The following TENM3 variants were observed in gnomAD, a reference collection of about 807,000 sequenced individuals.
TENM3 encodes the protein teneurin-3.
A neutral mutation model predicts 255.1 loss-of-function variants in TENM3; 63 were observed. The observed-to-expected ratio is 0.25, with a 90% CI of 0.20 to 0.30. The LOEUF is 0.30. Among genes scored for constraint, TENM3 ranks in the 10% least tolerant of loss-of-function variants. TENM3 has a pLI of 1.00. For missense variants in TENM3, 2,929 were observed against 3,461.1 expected (o/e 0.85, Z 3.86); for synonymous variants, 1,306 against 1,322.3 (o/e 0.99, Z 0.27).
chr4:181,691,126 A>G, the TENM3 span, among the ~76,000 whole-genome samples: 1 of 152,198 alleles, frequency 6.6e-6, no homozygotes, highest in African/African-American at 2.4e-5. Flanking sequence ...AAATTATTTT[A>G]GTTTAAATAT....
At chr4:181,868,200 C>T in the TENM3 span, among the ~76,000 whole-genome samples, 75 of 152,166 alleles carry the variant, frequency 4.9e-4, no homozygotes, top group African/African-American at 1.2e-3. Context: ...TAACAAACAG[C>T]GTATTCTCCA....
intron 26 of TENM3, among the ~76,000 whole-genome samples, chr4:182,796,122 T>C (rs2152835072): frequency 6.6e-6 from 1 of 152,348 alleles, no homozygotes; most frequent in Admixed American, 6.5e-5. Flanking sequence ...CTTGCAGCAT[T>C]CATCTTTGAT....
intron 4 of TENM3, among the ~76,000 whole-genome samples, chr4:182,622,994 T>C (rs1249678958): frequency 2.0e-5 from 3 of 151,620 alleles, no homozygotes; most frequent in Non-Finnish European, 4.4e-5. Flanking sequence ...TTATTTTTAT[T>C]TTTTTAGACA....
intron 24 of TENM3, among the ~76,000 whole-genome samples, chr4:182,787,696 CT>C (rs1172323723): frequency 7.2e-6 from 1 of 138,374 alleles, no homozygotes; most frequent in Admixed American, 8.2e-5. Flanking sequence ...GATCGCACCA[CT>C]GTACTCCAGC....
In TENM3 at chr4:182,259,622, AT is replaced by A. The variant is rs940509079; in HGVS notation, c.-76+16154del. ...CACCACACTCAGCCTATTTTTTAACATTTTTTTTATTGATATGTAACAGATG... is the reference window on the plus strand; with the variant it reads ...CACCACACTCAGCCTATTTTTTAACATTTTTTTATTGATATGTAACAGATG... On this transcript the variant is annotated intron_variant, in intron 1 of 27. Coordinates refer to ENST00000511685, the MANE Select transcript of TENM3 (RefSeq NM_001080477.4). Among the ~76,000 whole-genome samples the A allele has an allele frequency of 2.4e-4, 36 of 151,888 alleles. 1 individual carries two copies. The highest frequency in any genetic ancestry group is 8.7e-4 in the African/African-American group (36 of 41,434).
chr4:181,934,415 G>A, the TENM3 span, among the ~76,000 whole-genome samples: 1 of 152,146 alleles, frequency 6.6e-6, no homozygotes, highest in African/African-American at 2.4e-5. Context: ...AGTTAAAAAT[G>A]GGTTCTTTAA....
the TENM3 span, among the ~76,000 whole-genome samples, chr4:181,710,136 T>C: frequency 6.6e-6 from 1 of 151,998 alleles, no homozygotes. Flanking sequence ...AATGCCATGG[T>C]GCCAAATAAG....
At chr4:182,580,925 A>G (rs2152357524) in intron 3 of TENM3, among the ~76,000 whole-genome samples, 1 of 152,328 alleles carries the variant, frequency 6.6e-6, no homozygotes, top group East Asian at 1.9e-4. Context: ...AAGAATACTA[A>G]TTATCTTGCT....
the TENM3 span, among the ~76,000 whole-genome samples, chr4:181,899,858 A>G: frequency 2.6e-5 from 4 of 152,028 alleles, no homozygotes; most frequent in Admixed American, 1.3e-4. Flanking sequence ...TGTTTTTTGT[A>G]TAGGATCCTA....
chr4:182,714,105 G>A lies in TENM3; in HGVS notation c.2240G>A (p.Cys747Tyr). Residue 747 changes from cysteine to tyrosine, a missense_variant, in exon 13 of 28, where the codon TGC (cysteine) becomes TAC (tyrosine). Physicochemically the swap from Cys to Tyr is radical, Grantham distance 194 (BLOSUM62 -2). Coordinates refer to ENST00000511685, the MANE Select transcript of TENM3 (RefSeq NM_001080477.4). ...TCGACAGAGGGTTGTCCTGGTCTGTGCAACAGCAATGGAAGATGTACCCTG... is the reference window on the plus strand; with the variant it reads ...TCGACAGAGGGTTGTCCTGGTCTGTACAACAGCAATGGAAGATGTACCCTG... ...HCTIEGCPGL[C>Y]NSNGRCTLDQ... The A allele has an allele frequency of 6.2e-7, 1 of 1,613,796 alleles. No individual in the cohort carries two copies. Among genetic ancestry groups the A allele is most frequent in the Non-Finnish European group, 8.5e-7 (1 of 1,179,788 alleles).
chr4:182,440,131 T>TTG (rs1772351163), intron 3 of TENM3, among the ~76,000 whole-genome samples: 1 of 150,932 alleles, frequency 6.6e-6, no homozygotes. Context: ...TTTTTTTTTT[T>TTG]TGACGGAGTC....
At chr4:182,292,452 A>AAC (rs1335349809) in intron 1 of TENM3, among the ~76,000 whole-genome samples, 2 of 152,130 alleles carry the variant, frequency 1.3e-5, no homozygotes, top group African/African-American at 2.4e-5. Context: ...GTTTCCCTAA[A>AAC]ATATTTCTTG....
At chr4:182,598,052 G>A (rs1225987496) in intron 3 of TENM3, among the ~76,000 whole-genome samples, 2 of 152,166 alleles carry the variant, frequency 1.3e-5, no homozygotes, top group African/African-American at 4.8e-5. Flanking sequence ...GGTGGCTCAT[G>A]CCTGTGATCC....
At chr4:181,818,403 C>T in the TENM3 span, among the ~76,000 whole-genome samples, 5 of 152,266 alleles carry the variant, frequency 3.3e-5, no homozygotes, top group African/African-American at 1.2e-4. Flanking sequence ...AGCTTGTAGA[C>T]ATTCCAACTT....
chr4:181,935,518 G>A, the TENM3 span, among the ~76,000 whole-genome samples: 1 of 152,166 alleles, frequency 6.6e-6, no homozygotes, highest in Non-Finnish European at 1.5e-5. Flanking sequence ...ATTCAGTCTA[G>A]TCTCTCTCTG....
At chr4:182,301,136 G>A (rs778030544) in intron 1 of TENM3, among the ~76,000 whole-genome samples, 10 of 152,046 alleles carry the variant, frequency 6.6e-5, no homozygotes, top group Non-Finnish European at 1.2e-4. Context: ...TCCTTTCACC[G>A]TTTCCTATAT....
the TENM3 span, among the ~76,000 whole-genome samples, chr4:181,697,986 G>A: frequency 3.3e-5 from 5 of 151,822 alleles, no homozygotes; most frequent in South Asian, 2.1e-4. Context: ...AGGCCAAGGC[G>A]GGCGGATCAT....
chr4:182,353,827 A>G (rs2150722681), intron 3 of TENM3, among the ~76,000 whole-genome samples: 2 of 152,210 alleles, frequency 1.3e-5, no homozygotes, highest in Middle Eastern at 3.4e-3. Context: ...TTAGCTGGGC[A>G]TGGTGGCAGA....
intron 24 of TENM3, among the ~76,000 whole-genome samples, chr4:182,787,647 T>C (rs970892828): frequency 7.0e-6 from 1 of 142,856 alleles, no homozygotes; most frequent in Non-Finnish European, 1.5e-5. Flanking sequence ...GGCAGGAGAA[T>C]GGCTTGAACC....
Sources: gnomAD v4.1 joint callset for allele counts (sites outside exome capture counted in the v4.1 genomes callset) on GRCh38, gnomAD v4.1.1 for gene constraint, MANE v1.5 for transcripts, NCBI Gene and HGNC (gene_info 2026-07-23, HGNC 2026-07-21) for gene names.